Variants in PLEKHA8 observed in about 807,000 individuals in gnomAD.
The protein encoded by PLEKHA8 is pleckstrin homology domain-containing family A member 8.
PLEKHA8 carries 36 observed loss-of-function variants against 68.2 expected under a neutral mutation model. That is an observed-to-expected ratio of 0.53 (90% CI 0.40 to 0.70). PLEKHA8 has a LOEUF of 0.70. PLEKHA8 is among the 30% of genes least tolerant of loss of function. The pLI, the probability that PLEKHA8 is intolerant of heterozygous loss-of-function variation, is 0.00. For synonymous variants in PLEKHA8, 211 were observed against 216.1 expected, an observed-to-expected ratio of 0.98 and a Z score of 0.20; for missense variants, 505 against 615.4, an observed-to-expected ratio of 0.82 and a Z score of 1.90.
In PLEKHA8 at chr7:30,040,721, G is replaced by A. The variant is rs76458694; in HGVS notation, c.41-4364G>A. Among the ~76,000 whole-genome samples the A allele has an allele frequency of 1.8e-3, 277 of 152,242 alleles. 1 individual carries two copies. Among genetic ancestry groups the A allele is most frequent in the African/African-American group, 6.4e-3 (265 of 41,548 alleles). The stretch of plus-strand genomic sequence containing the variant: ...GAAACAATCCAGGATAATACAAAGC[G>A]TATGAAATTGGTATTTAAATACTCT... On this transcript the variant is annotated intron_variant, in intron 1 of 13. Transcript: ENST00000449726.
chr7:30,110,233 C>G (rs867409933), intron 13 of PLEKHA8, among the ~76,000 whole-genome samples: 4 of 152,074 alleles, frequency 2.6e-5, no homozygotes, highest in African/African-American at 7.3e-5. Flanking sequence ...TATTGATTTT[C>G]CTGTTCTGGA....
At chr7:30,111,037 TG>T (rs1259291508) in intron 13 of PLEKHA8, among the ~76,000 whole-genome samples, 1 of 151,972 alleles carries the variant, frequency 6.6e-6, no homozygotes, top group East Asian at 1.9e-4. Flanking sequence ...CCCGAGTAGC[TG>T]GGACTACAGG....
At chr7:30,067,687 C>G (rs1793953656) in intron 12 of PLEKHA8, among the ~76,000 whole-genome samples, 1 of 152,202 alleles carries the variant, frequency 6.6e-6, no homozygotes, top group Non-Finnish European at 1.5e-5. Flanking sequence ...TAAGCAGCAT[C>G]TAGCATTGGA....
rs1443833378 is a variant in PLEKHA8 at position 30,079,338 on chromosome 7, A to G, written c.*551A>G. 2 of 985,998 alleles carry G rather than the reference A, an allele frequency of 2.0e-6. No individual in the cohort carries two copies. Among genetic ancestry groups the G allele is most frequent in the Non-Finnish European group, 2.4e-6 (2 of 830,528 alleles). The allele number at this position is 985,998 out of a possible 1,614,324, so 61.1% of individuals were successfully genotyped here. ...TAGTAAAGATGTTCAGGGCATTCAC[A>G]TGACCATGCAATTGTGGGAGGCGAA... On this transcript the variant is annotated 3_prime_UTR_variant, in exon 14 of 14. Transcript: ENST00000449726.
At chr7:30,101,134 G>A (rs542082497) in intron 13 of PLEKHA8, among the ~76,000 whole-genome samples, 1 of 151,364 alleles carries the variant, frequency 6.6e-6, no homozygotes, top group Non-Finnish European at 1.5e-5. Flanking sequence ...AGATTGCAGT[G>A]AGCCGAGATT....
Position 30,084,069 on chromosome 7 carries a change from C to G in PLEKHA8, c.*5282C>G, listed in dbSNP as rs1322856339. The G allele has an allele frequency of 1.1e-5, 11 of 985,256 alleles. No individual in the cohort carries two copies. Among genetic ancestry groups the G allele is most frequent in the Non-Finnish European group, 1.3e-5 (11 of 829,932 alleles). The allele number at this position is 985,256 out of a possible 1,614,324, so 61.0% of individuals were successfully genotyped here. On this transcript the variant is annotated 3_prime_UTR_variant, in exon 14 of 14. Coordinates refer to ENST00000449726, the MANE Select transcript of PLEKHA8 (RefSeq NM_001197026.2). ...GAATGTCATTAAACAGCCCAACTAC[C>G]TCATGTGAAATTGGCTGTGGACAAT...
chr7:30,036,403 A>G (rs1791080981), intron 1 of PLEKHA8, among the ~76,000 whole-genome samples: 1 of 143,316 alleles, frequency 7.0e-6, no homozygotes, highest in African/African-American at 2.6e-5. Context: ...ATAGGATAGG[A>G]TAGAATAGAT....
chr7:30,068,064 T>C (rs1793986586), intron 12 of PLEKHA8, among the ~76,000 whole-genome samples: 2 of 152,244 alleles, frequency 1.3e-5, no homozygotes, highest in South Asian at 4.1e-4. Flanking sequence ...TGGTAGTTCA[T>C]GGGGCCTTAC....
chr7:30,050,654 T>G, intron 6 of PLEKHA8, 180 bp downstream of exon 6: 1 of 763,676 alleles, frequency 1.3e-6, no homozygotes, highest in Non-Finnish European at 1.9e-6. Flanking sequence ...AGAGCAGACC[T>G]TTTACTTAGC....
Position 30,062,030 on chromosome 7 carries a change from G to A in PLEKHA8, c.1229+3G>A, listed in dbSNP as rs1793483435. ...GAAGCCCTCTTGTGGCTGAAGAGGT[G>A]AGGCAGCTGGGGTGGGACAGCAGTT... On this transcript the variant is annotated splice_donor_region_variant and intron_variant, in intron 11 of 13. Transcript: ENST00000449726. The A allele has an allele frequency of 1.9e-6, 3 of 1,610,620 alleles. No homozygotes were observed. The highest frequency in any genetic ancestry group is 1.7e-6 in the Non-Finnish European group (2 of 1,178,972).
chr7:30,040,995 G>T (rs1220556369), intron 1 of PLEKHA8, among the ~76,000 whole-genome samples: 2 of 152,210 alleles, frequency 1.3e-5, no homozygotes, highest in African/African-American at 4.8e-5. Flanking sequence ...TACCTTGACT[G>T]ATCATTTCTG....
At chr7:30,094,896 G>A (rs562173722), downstream of PLEKHA8, among the ~76,000 whole-genome samples, 261 of 152,182 alleles carry the variant, frequency 1.7e-3, 1 homozygote, top group African/African-American at 5.9e-3. Context: ...TGGTGTATAT[G>A]TGCCACATTT....
intron 13 of PLEKHA8, among the ~76,000 whole-genome samples, chr7:30,107,259 AT>A (rs1237051839): frequency 6.6e-6 from 1 of 152,098 alleles, no homozygotes; most frequent in East Asian, 1.9e-4. Flanking sequence ...TTACAATTTT[AT>A]TGTAAAACTT....
chr7:30,128,910 C>A (rs1796827453), intron 13 of PLEKHA8, among the ~76,000 whole-genome samples: 1 of 152,104 alleles, frequency 6.6e-6, no homozygotes, highest in African/African-American at 2.4e-5. Flanking sequence ...TTTTTAACAA[C>A]CAGCTCTCGG....
chr7:30,101,789 C>G (rs1315704413), intron 13 of PLEKHA8, among the ~76,000 whole-genome samples: 1 of 152,100 alleles, frequency 6.6e-6, no homozygotes, highest in Non-Finnish European at 1.5e-5. Flanking sequence ...AGAGCTATAC[C>G]ACATTCATGG....
rs994697887 is a variant in PLEKHA8, at chr7:30,083,002, T to G, written c.*4215T>G. ...TTTTAGTCACAGGTTTTACAAGTATTCAGCTCTCCCTCATGTTTCATTTCT... is the reference window on the plus strand; with the variant it reads ...TTTTAGTCACAGGTTTTACAAGTATGCAGCTCTCCCTCATGTTTCATTTCT... On this transcript the variant is annotated 3_prime_UTR_variant, in exon 14 of 14. Transcript: ENST00000449726. The G allele has an allele frequency of 1.0e-6, 1 of 985,230 alleles. No individual in the cohort carries two copies. Among genetic ancestry groups the G allele is most frequent in the African/African-American group, 1.7e-5 (1 of 57,244 alleles). 61.0% of individuals were successfully genotyped at this position (985,230 alleles called of 1,614,324 possible).
chr7:30,107,931 T>A (rs1344920351), intron 13 of PLEKHA8, among the ~76,000 whole-genome samples: 1 of 151,980 alleles, frequency 6.6e-6, no homozygotes, highest in East Asian at 1.9e-4. Context: ...TAGCTGGGTG[T>A]GGTGATGCAT....
At chr7:30,029,046 G>C (rs1305923893) in intron 1 of PLEKHA8, among the ~76,000 whole-genome samples, 2 of 152,234 alleles carry the variant, frequency 1.3e-5, no homozygotes, top group Non-Finnish European at 2.9e-5. Context: ...AGGCTACAAA[G>C]ACTGAGATTT....
At position 30,080,072 on chromosome 7, in the gene PLEKHA8, C is replaced by G. The variant is rs1794846145; in HGVS notation, c.*1285C>G. The G allele has an allele frequency of 2.0e-6, 2 of 985,358 alleles. No individual in the cohort carries two copies. Among genetic ancestry groups the G allele is most frequent in the Non-Finnish European group, 2.4e-6 (2 of 829,910 alleles). The allele number at this position is 985,358 out of a possible 1,614,324, so 61.0% of individuals were successfully genotyped here. ...CATGACTCTGAATCTGCTTACCAAT[C>G]AATCTCGGTTTAATCACCAAAAGTG... On this transcript the variant is annotated 3_prime_UTR_variant, in exon 14 of 14. Coordinates refer to ENST00000449726, the MANE Select transcript of PLEKHA8 (RefSeq NM_001197026.2).
Sources: gnomAD v4.1 joint callset for allele counts (sites outside exome capture counted in the v4.1 genomes callset) on GRCh38, gnomAD v4.1.1 for gene constraint, MANE v1.5 for transcripts, NCBI Gene and HGNC (gene_info 2026-07-23, HGNC 2026-07-21) for gene names.